The following ARHGAP10 variants were observed in gnomAD, a reference collection of about 807,000 sequenced individuals.
ARHGAP10 encodes rho GTPase-activating protein 10.
In ARHGAP10, 87 loss-of-function variants were observed where a neutral mutation model predicts 108.6. The ratio of observed to expected loss-of-function variants is 0.80; its 90% CI spans 0.67 to 0.96. The LOEUF (loss-of-function observed/expected upper bound fraction) is 0.96, where lower values mean the gene tolerates loss of function less well. ARHGAP10 is among the 40% of genes least tolerant of loss of function. The pLI is 0.00. For missense variants in ARHGAP10, 939 were observed against 954.5 expected (o/e 0.98, Z 0.21); for synonymous variants, 347 against 341.1 (o/e 1.02, Z -0.19).
chr4:147,893,475 A>G (rs1203045260), intron 10 of ARHGAP10, among the ~76,000 whole-genome samples: 1 of 147,616 alleles, frequency 6.8e-6, no homozygotes, highest in Non-Finnish European at 1.5e-5. Context: ...ATACTATTCT[A>G]TATATATAGA....
At chr4:147,987,592 A>G (rs1030592394) in intron 18 of ARHGAP10, among the ~76,000 whole-genome samples, 6 of 152,186 alleles carry the variant, frequency 3.9e-5, no homozygotes, top group African/African-American at 1.2e-4. Context: ...TCTGCTGCTG[A>G]CACAGAGCTA....
At chr4:147,831,021 A>G (rs1732935893) in intron 3 of ARHGAP10, among the ~76,000 whole-genome samples, 1 of 152,234 alleles carries the variant, frequency 6.6e-6, no homozygotes, top group Non-Finnish European at 1.5e-5. Flanking sequence ...AGGAACGTGC[A>G]AGAAATGCAC....
intron 18 of ARHGAP10, among the ~76,000 whole-genome samples, chr4:148,009,149 TGA>T (rs1340865115): frequency 2.0e-5 from 3 of 151,920 alleles, no homozygotes; most frequent in Non-Finnish European, 2.9e-5. Flanking sequence ...TTTTTTTTTT[TGA>T]GATGGAGTCT....
At chr4:147,835,163 G>A (rs976010157) in intron 3 of ARHGAP10, among the ~76,000 whole-genome samples, 2 of 152,128 alleles carry the variant, frequency 1.3e-5, no homozygotes, top group African/African-American at 4.8e-5. Flanking sequence ...AGGATACAAT[G>A]AGGAAACCCT....
chr4:147,970,584 T>C (rs1400806283), intron 18 of ARHGAP10, among the ~76,000 whole-genome samples: 1 of 152,044 alleles, frequency 6.6e-6, no homozygotes, highest in Non-Finnish European at 1.5e-5. Context: ...ATGTGAAAAA[T>C]GTTGACTCCA....
chr4:147,748,819 C>T (rs970100166), intron 1 of ARHGAP10, among the ~76,000 whole-genome samples: 2 of 151,778 alleles, frequency 1.3e-5, no homozygotes, highest in African/African-American at 4.8e-5. Context: ...GGGTTGGGGG[C>T]GTGGGGGCAC....
intron 1 of ARHGAP10, among the ~76,000 whole-genome samples, chr4:147,798,844 A>G (rs1208608809): frequency 6.9e-6 from 1 of 144,870 alleles, no homozygotes; most frequent in Non-Finnish European, 1.5e-5. Flanking sequence ...ACGCTTGAAA[A>G]ATGTGCTACT....
At chr4:148,058,013 T>A (rs1729435818) in intron 20 of ARHGAP10, among the ~76,000 whole-genome samples, 1 of 152,230 alleles carries the variant, frequency 6.6e-6, no homozygotes, top group Non-Finnish European at 1.5e-5. Flanking sequence ...TGTCCCTCGG[T>A]GTGCTCGTGG....
At chr4:147,767,093 C>T (rs923157127) in intron 1 of ARHGAP10, among the ~76,000 whole-genome samples, 6 of 151,884 alleles carry the variant, frequency 4.0e-5, no homozygotes, top group Non-Finnish European at 8.8e-5. Flanking sequence ...TCAAGCAATC[C>T]ACCCACTTTG....
intron 19 of ARHGAP10, among the ~76,000 whole-genome samples, chr4:148,024,028 T>G (rs578126432): frequency 6.6e-6 from 1 of 152,316 alleles, no homozygotes; most frequent in East Asian, 1.9e-4. Context: ...GTTGTTTCAG[T>G]GTTGCCAGAT....
At chr4:148,030,959 C>T (rs1263773941) in intron 19 of ARHGAP10, among the ~76,000 whole-genome samples, 19 of 151,934 alleles carry the variant, frequency 1.3e-4, no homozygotes, top group Admixed American at 1.0e-3. Flanking sequence ...GTTGGGTGGC[C>T]GAGGTGGGAG....
chr4:148,028,096 A>G (rs532640165), intron 19 of ARHGAP10, among the ~76,000 whole-genome samples: 1 of 152,296 alleles, frequency 6.6e-6, no homozygotes, highest in Non-Finnish European at 1.5e-5. Context: ...GTAAGTGCCC[A>G]GTGCTAGCTC....
chr4:148,071,698 T>C (rs1373267642), intron 22 of ARHGAP10, among the ~76,000 whole-genome samples: 2 of 152,074 alleles, frequency 1.3e-5, no homozygotes, highest in African/African-American at 2.4e-5. Context: ...TGATCAGCTC[T>C]GTGTTCTAGA....
chr4:147,911,087 T>G (rs1736711032), intron 12 of ARHGAP10, among the ~76,000 whole-genome samples: 1 of 152,156 alleles, frequency 6.6e-6, no homozygotes, highest in Admixed American at 6.5e-5. Flanking sequence ...TTTTCCCTTC[T>G]TATTGCAGAG....
chr4:147,834,403 A>G (rs754503464), intron 3 of ARHGAP10, among the ~76,000 whole-genome samples: 1 of 152,268 alleles, frequency 6.6e-6, no homozygotes, highest in Non-Finnish European at 1.5e-5. Flanking sequence ...TGGGAGGTTG[A>G]GGCTGCAGAG....
chr4:147,816,068 G>C (rs929766312), intron 1 of ARHGAP10, among the ~76,000 whole-genome samples: 7 of 152,194 alleles, frequency 4.6e-5, no homozygotes, highest in African/African-American at 1.7e-4. Flanking sequence ...TCTTTAAACA[G>C]AGGAATCTGT....
chr4:147,887,632 T>C (rs1735624784), intron 10 of ARHGAP10, among the ~76,000 whole-genome samples: 1 of 151,984 alleles, frequency 6.6e-6, no homozygotes. Flanking sequence ...GAAGCCGAGG[T>C]GGGTGGATCA....
At chr4:147,828,362 G>C (rs1398469247) in intron 3 of ARHGAP10, among the ~76,000 whole-genome samples, 2 of 152,142 alleles carry the variant, frequency 1.3e-5, no homozygotes, top group Admixed American at 6.5e-5. Context: ...TGTTGGTTTT[G>C]AGCCACCAGT....
chr4:148,056,600 T>G (rs1204710400), intron 20 of ARHGAP10, among the ~76,000 whole-genome samples: 1 of 139,992 alleles, frequency 7.1e-6, no homozygotes, highest in African/African-American at 2.7e-5. Context: ...CTGTGGTACC[T>G]TTGTTAAAAA....
Sources: allele counts gnomAD v4.1 joint callset (sites outside exome capture counted in the v4.1 genomes callset), GRCh38; gene constraint gnomAD v4.1.1; transcripts MANE v1.5; gene names NCBI Gene and HGNC (gene_info 2026-07-23, HGNC 2026-07-21).